GAK: variants seen among roughly 807,000 people sequenced by gnomAD.
The protein encoded by GAK is cyclin-G-associated kinase.
In GAK, 79 loss-of-function variants were observed where a neutral mutation model predicts 143.9. The observed-to-expected ratio is 0.55, with a 90% CI of 0.46 to 0.66. The LOEUF is 0.66. Ranked by LOEUF, GAK falls within the 30% of genes least tolerant of loss-of-function variation. The pLI, the probability that GAK is intolerant of heterozygous loss-of-function variation, is 0.00. For missense variants in GAK, 1,693 were observed against 1,779.7 expected (o/e 0.95, Z 0.88); for synonymous variants, 881 against 765.5 (o/e 1.15, Z -2.49).
intron 18 of GAK, among the ~76,000 whole-genome samples, chr4:876,276 G>A (rs1713847361): frequency 6.7e-6 from 1 of 148,780 alleles, no homozygotes; most frequent in Admixed American, 6.7e-5. Flanking sequence ...ACCTGCTTAC[G>A]CCACGCCCGG....
Position 912,736 on chromosome 4 carries a change from A to G in GAK, c.266T>C (p.Met89Thr), listed in dbSNP as rs752457382. Residue 89 changes from methionine (M) to threonine (T), a missense_variant and splice_region_variant, in exon 3 of 28, where the codon ATG becomes ACG. Transcript: ENST00000314167. ...CTCCTGGTTCCAGGAAAAGGATACC[A>G]TGAAGCAAACTTCTTGAATGATGGC... ...NRAIIQEVCF[M>T]KKLSGHPNIV... The G allele has an allele frequency of 1.2e-6, 2 of 1,613,578 alleles. No homozygotes were observed. Among genetic ancestry groups the G allele is most frequent in the Admixed American group, 1.7e-5 (1 of 60,008 alleles).
chr4:878,389 A>G (rs907369728), intron 15 of GAK, among the ~76,000 whole-genome samples: 7 of 152,202 alleles, frequency 4.6e-5, no homozygotes, highest in African/African-American at 7.2e-5. Flanking sequence ...CTGTGGCCTG[A>G]CAGCATAGTT....
intron 25 of GAK, 30 bp downstream of exon 25, chr4:851,720 C>T (rs367689402): frequency 1.9e-6 from 3 of 1,601,752 alleles, no homozygotes; most frequent in African/African-American, 2.7e-5. Context: ...TCTCTGCAAA[C>T]TCCACAGCAA....
At chr4:865,062 G>C (rs1577071883) in intron 23 of GAK, 60 bp downstream of exon 23, 4 of 1,574,550 alleles carry the variant, frequency 2.5e-6, no homozygotes, top group East Asian at 2.3e-5. Flanking sequence ...GTGTGAAATA[G>C]AGACGGGCCA....
chr4:932,184 A>T lies in GAK; in HGVS notation c.4T>A (p.Ser2Thr). M[S>T]LLQSALDFLA... Reference sequence around the variant, plus strand: ...AAGTCGAGCGCCGACTGCAGCAGCGACATGGCGGTGGCTGCGCCGCACCCC... The same window carrying T: ...AAGTCGAGCGCCGACTGCAGCAGCGTCATGGCGGTGGCTGCGCCGCACCCC... The change falls in exon 1 of 28, where the codon TCG becomes ACG. Residue 2 changes from serine to threonine, a missense_variant. Ser to Thr is a moderately conservative substitution (Grantham distance 58, BLOSUM62 1). Around this residue, in one of 2 missense-constraint regions of GAK, gnomAD observed 871 missense variants for 991.0 expected, o/e 0.88. Coordinates refer to ENST00000314167, the MANE Select transcript of GAK (RefSeq NM_005255.4). This position sits in a 1 kb window ranked among gnomAD's most constrained non-coding sequence, Gnocchi z 4.0. 1 of 1,550,774 alleles carries T rather than the reference A, an allele frequency of 6.4e-7. No individual in the cohort carries two copies. The highest frequency in any genetic ancestry group is 1.2e-5 in the South Asian group (1 of 84,278).
intron 4 of GAK, among the ~76,000 whole-genome samples, chr4:908,469 C>A (rs1451239634): frequency 1.3e-5 from 2 of 152,006 alleles, no homozygotes; most frequent in East Asian, 3.9e-4. Flanking sequence ...TCAAGACCAG[C>A]CTGGGCAACA....
chr4:908,286 C>T (rs528019752), intron 4 of GAK, among the ~76,000 whole-genome samples: 71 of 152,268 alleles, frequency 4.7e-4, no homozygotes, highest in Middle Eastern at 6.8e-3. Context: ...GGAGAAAGCC[C>T]GCAGGCCTCA....
At chr4:892,709 G>A (rs1280170149) in intron 9 of GAK, among the ~76,000 whole-genome samples, 3 of 152,118 alleles carry the variant, frequency 2.0e-5, no homozygotes, top group Non-Finnish European at 2.9e-5. Flanking sequence ...CAGACGCAGA[G>A]CAACTCAGGA....
At chr4:905,102 G>A (rs1450147918) in intron 4 of GAK, among the ~76,000 whole-genome samples, 1 of 152,110 alleles carries the variant, frequency 6.6e-6, no homozygotes, top group Non-Finnish European at 1.5e-5. Context: ...GGCTGATGGC[G>A]GGCTACCACT....
chr4:878,992 T>C (rs1307326414), intron 15 of GAK, among the ~76,000 whole-genome samples: 2 of 152,082 alleles, frequency 1.3e-5, no homozygotes, highest in African/African-American at 4.8e-5. Context: ...AACAAATAAA[T>C]CCTGCCAACA....
intron 9 of GAK, among the ~76,000 whole-genome samples, chr4:892,573 A>G (rs1417500236): frequency 2.6e-5 from 4 of 152,204 alleles, no homozygotes; most frequent in Admixed American, 1.3e-4. Flanking sequence ...TGTGGGCCTC[A>G]GTCTCCCAGC....
chr4:924,497 A>G (rs1724373810), intron 1 of GAK, among the ~76,000 whole-genome samples: 1 of 152,112 alleles, frequency 6.6e-6, no homozygotes, highest in Admixed American at 6.6e-5. Context: ...AAAAGACTTG[A>G]AAAAAAATGT....
At chr4:910,071 T>G (rs1721774728) in intron 4 of GAK, among the ~76,000 whole-genome samples, 1 of 152,192 alleles carries the variant, frequency 6.6e-6, no homozygotes, top group South Asian at 2.1e-4. Flanking sequence ...AAGGGCCAGG[T>G]GGGACCCCCA....
At chr4:922,486 G>C (rs1308807752) in intron 1 of GAK, among the ~76,000 whole-genome samples, 2 of 141,424 alleles carry the variant, frequency 1.4e-5, no homozygotes, top group Non-Finnish European at 3.0e-5. Context: ...CTGCACTCCA[G>C]TCTGGGTGAC....
At chr4:870,186 A>C (rs1712239046) in intron 19 of GAK, among the ~76,000 whole-genome samples, 1 of 152,218 alleles carries the variant, frequency 6.6e-6, no homozygotes, top group Admixed American at 6.5e-5. Context: ...GAAGATGCTC[A>C]GAAAGAAAAA....
chr4:899,425 C>A (rs1719430468), intron 5 of GAK, among the ~76,000 whole-genome samples: 1 of 148,770 alleles, frequency 6.7e-6, no homozygotes, highest in African/African-American at 2.5e-5. Flanking sequence ...GTACGGGCTC[C>A]CACAGGCAGC....
intron 24 of GAK, among the ~76,000 whole-genome samples, chr4:855,388 T>C (rs1435959147): frequency 6.6e-6 from 1 of 152,184 alleles, no homozygotes; most frequent in Non-Finnish European, 1.5e-5. Flanking sequence ...TTGGCTTCCT[T>C]ATATAATTGC....
chr4:890,604 C>T lies in GAK; in HGVS notation c.1009G>A (p.Gly337Ser), dbSNP rs778192978. 6.2e-7 allele frequency: 1 copy of T among 1,611,280 alleles called. No homozygotes were observed. The highest frequency in any genetic ancestry group is 1.7e-5 in the Admixed American group (1 of 59,794). Residue 337 changes from glycine (G) to serine (S), a missense_variant, in exon 10 of 28, where the codon GGC becomes AGC. Physicochemically the swap from Gly to Ser is moderately conservative, Grantham distance 56 (BLOSUM62 0). Around this residue, in one of 2 missense-constraint regions of GAK, gnomAD observed 871 missense variants for 991.0 expected, o/e 0.88. Transcript: ENST00000314167. ...CGGGACAGTGTGGCGCTCCCGTAGC[C>T]TCCATTCTGCTCCAGGAGCTGTGAC... The part of the protein sequence containing the change: ...PITELLEQNG[G>S]YGSATLSRGP...
chr4:914,990 C>T (rs1722864743), intron 1 of GAK, among the ~76,000 whole-genome samples: 1 of 142,738 alleles, frequency 7.0e-6, no homozygotes, highest in Non-Finnish European at 1.5e-5. Context: ...GCGTACACGG[C>T]CCCCAACACA....
Sources: gnomAD v4.1 joint callset for allele counts (sites outside exome capture counted in the v4.1 genomes callset) on GRCh38, gnomAD v4.1.1 for gene constraint, gnomAD v4.1.1 regional missense constraint, Gnocchi (gnomAD v3.1) non-coding constraint, MANE v1.5 for transcripts, NCBI Gene and HGNC (gene_info 2026-07-23, HGNC 2026-07-21) for gene names.